The following NUDT12 variants were observed in gnomAD, a reference collection of about 807,000 sequenced individuals.
The protein encoded by NUDT12 is nudix hydrolase 12.
NUDT12 carries 42 observed loss-of-function variants against 45.7 expected under a neutral mutation model. That is an observed-to-expected ratio of 0.92 (90% CI 0.72 to 1.19). NUDT12 has a LOEUF of 1.19. Ranked by LOEUF, NUDT12 falls within the 50% of genes most tolerant of loss-of-function variation. The probability of loss-of-function intolerance (pLI) is 0.00; values close to 1 mark genes in which losing one functional copy is unlikely to be tolerated. For synonymous variants in NUDT12, 206 were observed against 179.7 expected (o/e 1.15, Z -1.17); for missense variants, 590 against 533.1 (o/e 1.11, Z -1.05).
At chr5:103,553,173 T>A (rs294043) in intron 5 of NUDT12, among the ~76,000 whole-genome samples, 4,203 of 152,070 alleles carry the variant, frequency 0.028, 223 homozygotes, top group African/African-American at 0.096. Flanking sequence ...AATTAACTTA[T>A]AATAATCAAA....
chr5:103,550,753 T>C lies in NUDT12; in HGVS notation c.*108A>G. On this transcript the variant is annotated 3_prime_UTR_variant, in exon 7 of 7. Coordinates refer to ENST00000230792, the MANE Select transcript of NUDT12 (RefSeq NM_031438.4). ...AAAATATTTCGAAAACCCAACATCG[T>C]ATTTTGTGTTGTGACACTCTCAAGA... The C allele has an allele frequency of 1.4e-6, 1 of 690,038 alleles. No individual in the cohort carries two copies. The highest frequency in any genetic ancestry group is 2.4e-6 in the Non-Finnish European group (1 of 409,620). 42.7% of individuals were successfully genotyped at this position (690,038 alleles called of 1,614,324 possible).
At position 103,555,624 on chromosome 5, in the gene NUDT12, A is replaced by G. The variant is rs182215679; in HGVS notation, c.964+307T>C. On this transcript the variant is annotated intron_variant, in intron 4 of 6. Coordinates refer to ENST00000230792, the MANE Select transcript of NUDT12 (RefSeq NM_031438.4). ...GCTGTACTGCTTTAGTAATGCCTCA[A>G]ACAGGCAATAAATTGTACTTAGTGG... is the stretch of plus-strand genomic sequence containing the variant. Among the ~76,000 whole-genome samples the G allele has an allele frequency of 1.4e-3, 206 of 152,160 alleles. 2 individuals carry two copies. Among genetic ancestry groups the G allele is most frequent in the African/African-American group, 4.9e-3 (202 of 41,550 alleles).
chr5:103,558,919 A>T lies in NUDT12; in HGVS notation c.756T>A (p.Pro252=). ...TCAATTGCAGAAGGGCTGGCATAGG[A>T]GGATGAAGAAAGTAACAATTTTCAT... ...QRHENCYFLH[P]PMPALLQLKE... is the part of the protein sequence containing the mutation. Residue 252 remains proline (P), a synonymous_variant, in exon 3 of 7, where the codon CCT becomes CCA. Transcript: ENST00000230792. 6.2e-7 allele frequency: 1 copy of T among 1,606,984 alleles called. No homozygotes were observed. The highest frequency in any genetic ancestry group is 1.3e-5 in the African/African-American group (1 of 74,626).
In NUDT12 at chr5:103,550,809, A is replaced by G; in HGVS notation, c.*52T>C. ...GAATAATCTCTAATATCACTTGAGGAATGAGTGTTATTAGAAATTATTAAA... is the reference window on the plus strand; with the variant it reads ...GAATAATCTCTAATATCACTTGAGGGATGAGTGTTATTAGAAATTATTAAA... On this transcript the variant is annotated 3_prime_UTR_variant, in exon 7 of 7. Transcript: ENST00000230792. 1 of 1,219,538 alleles carries G rather than the reference A, an allele frequency of 8.2e-7. No individual in the cohort carries two copies. Among genetic ancestry groups the G allele is most frequent in the Admixed American group, 1.7e-5 (1 of 58,662 alleles). The allele number at this position is 1,219,538 out of a possible 1,614,324, so 75.5% of individuals were successfully genotyped here.
At chr5:103,552,134 G>A (rs1435123990) in intron 6 of NUDT12, 83 bp downstream of exon 6, 15 of 1,123,820 alleles carry the variant, frequency 1.3e-5, no homozygotes, top group Admixed American at 1.8e-5. Context: ...TCAACTTGCT[G>A]AAAATATGCA....
At position 103,559,354 on chromosome 5, in the gene NUDT12, A is replaced by C; in HGVS notation, c.321T>G (p.Pro107=). The C allele has an allele frequency of 6.2e-7, 1 of 1,613,662 alleles. No homozygotes were observed. ...LLATAKGGKK[P]WFLTNEVEEC... is the part of the protein sequence containing the mutation. ...CTTCCACTTCATTCGTTAGGAACCA[A>C]GGCTTCTTCCCACCTTTAGCAGTAG... is the stretch of plus-strand genomic sequence containing the variant. The change falls in exon 3 of 7, where the codon CCT becomes CCG. Residue 107 remains proline, a synonymous_variant. Transcript: ENST00000230792.
intron 3 of NUDT12, among the ~76,000 whole-genome samples, chr5:103,557,883 A>C (rs1375513397): frequency 6.6e-6 from 1 of 151,992 alleles, no homozygotes; most frequent in Non-Finnish European, 1.5e-5. Flanking sequence ...TGTGTTGATG[A>C]CTGCCATATG....
At chr5:103,551,705 T>C (rs1226232557) in intron 6 of NUDT12, among the ~76,000 whole-genome samples, 2 of 152,190 alleles carry the variant, frequency 1.3e-5, no homozygotes, top group Admixed American at 1.3e-4. Flanking sequence ...ATTTATCTTT[T>C]AATATATTAT....
chr5:103,552,196 G>A lies in NUDT12; in HGVS notation c.1278+21C>T, dbSNP rs186386453. The A allele has an allele frequency of 2.0e-3, 3,181 of 1,591,732 alleles. 2 individuals carry two copies. The highest frequency in any genetic ancestry group is 2.1e-3 in the Non-Finnish European group (2,487 of 1,160,124). Reference sequence around the variant, plus strand: ...AGTCAGGGAACAATCAATAGAAGAAGGAAATTAAATTGAACTTTACCTGTT... The same window carrying A: ...AGTCAGGGAACAATCAATAGAAGAAAGAAATTAAATTGAACTTTACCTGTT... On this transcript the variant is annotated intron_variant, in intron 6 of 6. Transcript: ENST00000230792.
intron 4 of NUDT12, among the ~76,000 whole-genome samples, chr5:103,555,123 T>A: frequency 6.6e-6 from 1 of 152,028 alleles, no homozygotes; most frequent in East Asian, 1.9e-4. Context: ...TCTGTACTTA[T>A]GGATGTTAGG....
intron 1 of NUDT12, among the ~76,000 whole-genome samples, chr5:103,560,940 T>C (rs560521525): frequency 6.6e-6 from 1 of 152,300 alleles, no homozygotes; most frequent in African/African-American, 2.4e-5. Context: ...TCATTAACTT[T>C]ATCTGCTTTG....
rs760262334 is a variant in NUDT12, at chr5:103,559,244, C to T, written c.431G>A (p.Ser144Asn). The T allele has an allele frequency of 5.7e-6, 9 of 1,578,910 alleles. No homozygotes were observed. Among genetic ancestry groups the T allele is most frequent in the Non-Finnish European group, 7.7e-6 (9 of 1,165,128 alleles). ...AAGAATAAAAACTGTGGCTGGATGG[C>T]TTTCTTTAGCTAGCAGCCAGTCAGA... The part of the protein sequence containing the change: ...NNSDWLLAKE[S>N]HPATVFILFS... Residue 144 changes from serine to asparagine, a missense_variant, in exon 3 of 7, where the codon AGC (serine) becomes AAC (asparagine). Ser to Asn is a conservative substitution (Grantham distance 46). Coordinates refer to ENST00000230792, the MANE Select transcript of NUDT12 (RefSeq NM_031438.4).
Position 103,560,262 on chromosome 5 carries a change from G to A in NUDT12, c.-6-8C>T. 1 of 1,590,660 alleles carries A rather than the reference G, an allele frequency of 6.3e-7. No homozygotes were observed. Among genetic ancestry groups the A allele is most frequent in the Non-Finnish European group, 8.6e-7 (1 of 1,159,842 alleles). On this transcript the variant is annotated splice_polypyrimidine_tract_variant and splice_region_variant and intron_variant, in intron 1 of 6. Coordinates refer to ENST00000230792, the MANE Select transcript of NUDT12 (RefSeq NM_031438.4). Reference sequence around the variant, plus strand: ...TACAGAAGACATTTCTTCCTTAAAAGAAGGAAAATCAGGGGAAAAAGCTTA... The same window carrying A: ...TACAGAAGACATTTCTTCCTTAAAAAAAGGAAAATCAGGGGAAAAAGCTTA...
intron 5 of NUDT12, among the ~76,000 whole-genome samples, chr5:103,554,042 C>G (rs756681484): frequency 1.3e-5 from 2 of 151,934 alleles, no homozygotes; most frequent in Non-Finnish European, 2.9e-5. Context: ...TGATCCTCCT[C>G]CAAAACACAG....
chr5:103,558,169 CCT>C (rs1748891930), intron 3 of NUDT12, among the ~76,000 whole-genome samples: 1 of 151,792 alleles, frequency 6.6e-6, no homozygotes, highest in South Asian at 2.1e-4. Flanking sequence ...TTGCATATAC[CCT>C]CTTTCCTCCA....
rs1340024235 is a variant in NUDT12 at position 103,550,727 on chromosome 5, G to C, written c.*134C>G. The C allele has an allele frequency of 8.5e-6, 5 of 585,806 alleles. No individual in the cohort carries two copies. Among genetic ancestry groups the C allele is most frequent in the African/African-American group, 7.4e-5 (4 of 53,894 alleles). The allele number at this position is 585,806 out of a possible 1,614,324, so 36.3% of individuals were successfully genotyped here. A position where few individuals can be genotyped will look rare whatever the true frequency, so the allele number is the denominator to read the frequency against. The stretch of plus-strand genomic sequence containing the variant: ...ATTTGTGATTAAGACAGAACACTTT[G>C]AAAATATTTCGAAAACCCAACATCG... On this transcript the variant is annotated 3_prime_UTR_variant, in exon 7 of 7. Coordinates refer to ENST00000230792, the MANE Select transcript of NUDT12 (RefSeq NM_031438.4).
At chr5:103,557,347 T>C (rs987081717) in intron 3 of NUDT12, among the ~76,000 whole-genome samples, 1 of 148,040 alleles carries the variant, frequency 6.8e-6, no homozygotes, top group African/African-American at 2.5e-5. Flanking sequence ...TGATGATTTC[T>C]CCACAGGTGT....
chr5:103,550,723 CTT>C lies in NUDT12; in HGVS notation c.*136_*137del, dbSNP rs1379297335. Reference sequence around the variant, plus strand: ...ATGAATTTGTGATTAAGACAGAACACTTTGAAAATATTTCGAAAACCCAACAT... The same window carrying C: ...ATGAATTTGTGATTAAGACAGAACACTGAAAATATTTCGAAAACCCAACAT... On this transcript the variant is annotated 3_prime_UTR_variant, in exon 7 of 7. Coordinates refer to ENST00000230792, the MANE Select transcript of NUDT12 (RefSeq NM_031438.4). The C allele has an allele frequency of 3.4e-6, 2 of 579,910 alleles. No individual in the cohort carries two copies. Among genetic ancestry groups the C allele is most frequent in the Admixed American group, 2.9e-5 (1 of 34,028 alleles). The allele number at this position is 579,910 out of a possible 1,614,324, so 35.9% of individuals were successfully genotyped here.
At chr5:103,558,554 T>G (rs1748907200) in intron 3 of NUDT12, among the ~76,000 whole-genome samples, 1 of 152,096 alleles carries the variant, frequency 6.6e-6, no homozygotes, top group African/African-American at 2.4e-5. Context: ...AAAAGCCCCA[T>G]CAACAGAATA....
Sources: gnomAD v4.1 joint callset for allele counts (sites outside exome capture counted in the v4.1 genomes callset) on GRCh38, gnomAD v4.1.1 for gene constraint, MANE v1.5 for transcripts, NCBI Gene and HGNC (gene_info 2026-07-23, HGNC 2026-07-21) for gene names.